The following ARFIP1 variants were observed in gnomAD, a reference collection of about 807,000 sequenced individuals.
ARFIP1 encodes the protein arfaptin-1.
ARFIP1 carries 24 observed loss-of-function variants against 42.5 expected under a neutral mutation model. That is an observed-to-expected ratio of 0.57 (90% CI 0.41 to 0.80). ARFIP1 has a LOEUF of 0.80. Ranked by LOEUF, ARFIP1 falls within the 30% of genes least tolerant of loss-of-function variation. ARFIP1 has a pLI of 0.00. For missense variants in ARFIP1, 354 were observed against 434.0 expected (o/e 0.82, Z 1.64); for synonymous variants, 141 against 153.7 (o/e 0.92, Z 0.61).
At chr4:152,857,394 G>A (rs774843907) in intron 2 of ARFIP1, among the ~76,000 whole-genome samples, 1 of 152,174 alleles carries the variant, frequency 6.6e-6, no homozygotes, top group African/African-American at 2.4e-5. Flanking sequence ...GCCTATGGCT[G>A]CTTACATTTA....
intron 8 of ARFIP1, among the ~76,000 whole-genome samples, chr4:152,899,263 T>A (rs1737615484): frequency 1.3e-5 from 2 of 152,120 alleles, no homozygotes; most frequent in African/African-American, 4.8e-5. Flanking sequence ...TGAGAGAAGT[T>A]ATAGGATGGG....
intron 1 of ARFIP1, among the ~76,000 whole-genome samples, chr4:152,825,146 AT>A (rs1275319401): frequency 6.6e-6 from 1 of 152,088 alleles, no homozygotes; most frequent in Non-Finnish European, 1.5e-5. Flanking sequence ...TGCCCAAAGA[AT>A]CAGTGAAATT....
At chr4:152,798,270 A>C (rs138704576) in intron 1 of ARFIP1, among the ~76,000 whole-genome samples, 1 of 152,356 alleles carries the variant, frequency 6.6e-6, no homozygotes, top group Non-Finnish European at 1.5e-5. Flanking sequence ...CTCAAAAAAC[A>C]AGAATAGTGG....
chr4:152,867,527 T>G (rs1030203292), intron 3 of ARFIP1, among the ~76,000 whole-genome samples: 2 of 151,412 alleles, frequency 1.3e-5, no homozygotes, highest in Non-Finnish European at 2.9e-5. Context: ...GGGAGAGAGG[T>G]GAGACGGGAG....
intron 8 of ARFIP1, among the ~76,000 whole-genome samples, chr4:152,909,022 G>A (rs1245551151): frequency 1.3e-5 from 2 of 149,912 alleles, no homozygotes; most frequent in Non-Finnish European, 3.0e-5. Context: ...TATTATTAAA[G>A]TTCAATTTTA....
rs534965441 is a variant in ARFIP1 at position 152,891,411 on chromosome 4, G to A, written c.966+3104G>A. 2.2e-4 allele frequency among the ~76,000 whole-genome samples: 33 copies of A among 152,286 alleles called. 1 individual carries two copies. The South Asian group carries it at 6.6e-3, about 31-fold the overall frequency. ...AAGTATTGTCGGACTGTTCTTTTAA[G>A]TAGTAATTGTCATTTAGAAGAAGAC... On this transcript the variant is annotated intron_variant, in intron 8 of 8. Coordinates refer to ENST00000353617, the MANE Select transcript of ARFIP1 (RefSeq NM_001025595.3).
intron 5 of ARFIP1, among the ~76,000 whole-genome samples, chr4:152,878,866 T>C (rs932822045): frequency 2.0e-5 from 3 of 152,216 alleles, no homozygotes; most frequent in African/African-American, 7.2e-5. Context: ...CAGTACCACA[T>C]GCTTTGGCTT....
intron 8 of ARFIP1, among the ~76,000 whole-genome samples, chr4:152,907,137 G>T (rs1302507565): frequency 1.3e-5 from 2 of 152,030 alleles, no homozygotes; most frequent in African/African-American, 4.8e-5. Context: ...AGAGATGTTT[G>T]CCTTTTTTGT....
intron 1 of ARFIP1, among the ~76,000 whole-genome samples, chr4:152,814,242 C>T (rs1289573949): frequency 1.3e-5 from 2 of 151,964 alleles, no homozygotes; most frequent in Non-Finnish European, 1.5e-5. Context: ...AGGTGCGCAC[C>T]ACCATGCCTA....
chr4:152,810,567 G>A (rs903048848), intron 1 of ARFIP1, among the ~76,000 whole-genome samples: 9 of 152,014 alleles, frequency 5.9e-5, no homozygotes, highest in Admixed American at 1.3e-4. Context: ...GCAGTATTTC[G>A]GGAGGCTGAG....
intron 8 of ARFIP1, among the ~76,000 whole-genome samples, chr4:152,895,412 G>C (rs1239379362): frequency 3.9e-5 from 6 of 152,004 alleles, no homozygotes; most frequent in Admixed American, 3.9e-4. Context: ...TTTGAGACAG[G>C]GTCTCACTGT....
At chr4:152,822,506 T>C (rs902785210) in intron 1 of ARFIP1, among the ~76,000 whole-genome samples, 4 of 152,058 alleles carry the variant, frequency 2.6e-5, no homozygotes, top group Non-Finnish European at 4.4e-5. Flanking sequence ...AGACAAATCA[T>C]TGAGGCAGAA....
chr4:152,804,036 AATAT>A (rs549894550), intron 1 of ARFIP1, among the ~76,000 whole-genome samples: 3 of 130,930 alleles, frequency 2.3e-5, no homozygotes, highest in Non-Finnish European at 4.7e-5. Context: ...AATATAACGT[AATAT>A]ATATATTATA....
chr4:152,823,968 A>C (rs1730605317), intron 1 of ARFIP1, among the ~76,000 whole-genome samples: 1 of 152,006 alleles, frequency 6.6e-6, no homozygotes, highest in Non-Finnish European at 1.5e-5. Context: ...TAGATGTGAA[A>C]ATTCTTAACA....
At chr4:152,816,466 A>G (rs1729894540) in intron 1 of ARFIP1, among the ~76,000 whole-genome samples, 1 of 152,178 alleles carries the variant, frequency 6.6e-6, no homozygotes, top group Non-Finnish European at 1.5e-5. Context: ...GCAGTGTTGT[A>G]GCTGTCTTTA....
chr4:152,815,891 C>T (rs1232959967), intron 1 of ARFIP1, among the ~76,000 whole-genome samples: 1 of 151,484 alleles, frequency 6.6e-6, no homozygotes, highest in Non-Finnish European at 1.5e-5. Flanking sequence ...ACTACAGGCG[C>T]CCGCCACTAC....
intron 1 of ARFIP1, among the ~76,000 whole-genome samples, chr4:152,829,158 A>G (rs1261033384): frequency 6.6e-6 from 1 of 152,180 alleles, no homozygotes; most frequent in Non-Finnish European, 1.5e-5. Context: ...TAGACACGGA[A>G]TTATTTTGAT....
Position 152,828,804 on chromosome 4 carries a change from G to A in ARFIP1, c.-9-821G>A, listed in dbSNP as rs74909704. 3.2e-4 allele frequency among the ~76,000 whole-genome samples: 48 copies of A among 152,198 alleles called. No individual in the cohort carries two copies. The East Asian group carries it at 8.7e-3, about 28-fold the overall frequency. On this transcript the variant is annotated intron_variant, in intron 1 of 8. Transcript: ENST00000353617. ...TCTAAGAAGTCATCACCATACCCAC[G>A]GTCATCTAGGTTTTCTCCTATGCTC...
chr4:152,786,337 C>G (rs994159325), intron 1 of ARFIP1, among the ~76,000 whole-genome samples: 1 of 152,186 alleles, frequency 6.6e-6, no homozygotes, highest in Non-Finnish European at 1.5e-5. Flanking sequence ...TTCCCCTTCC[C>G]TCCCTACAAA....
Sources: gnomAD v4.1 joint callset for allele counts (sites outside exome capture counted in the v4.1 genomes callset) on GRCh38, gnomAD v4.1.1 for gene constraint, MANE v1.5 for transcripts, NCBI Gene and HGNC (gene_info 2026-07-23, HGNC 2026-07-21) for gene names.